RAB43: variants seen among roughly 807,000 people sequenced by gnomAD.
RAB43 encodes the protein ras-related protein Rab-43.
RAB43 carries 6 observed loss-of-function variants against 18.8 expected under a neutral mutation model. That is an observed-to-expected ratio of 0.32 (90% CI 0.17 to 0.63). The LOEUF (loss-of-function observed/expected upper bound fraction) is 0.63, where lower values mean the gene tolerates loss of function less well. Among genes scored for constraint, RAB43 ranks in the 30% least tolerant of loss-of-function variants. The pLI, the probability that RAB43 is intolerant of heterozygous loss-of-function variation, is 0.79. For synonymous variants in RAB43, 103 were observed against 124.1 expected (o/e 0.83, Z 1.13); for missense variants, 195 against 289.1 (o/e 0.67, Z 2.36).
chr3:129,118,687 G>A (rs1406885979), intron 1 of RAB43, among the ~76,000 whole-genome samples: 2 of 152,180 alleles, frequency 1.3e-5, no homozygotes, highest in East Asian at 3.8e-4. Context: ...CCCTGAGAAG[G>A]TTTATTTTAT....
chr3:129,092,572 G>A (rs1239853475), intron 2 of RAB43: 2 of 690,998 alleles, frequency 2.9e-6, no homozygotes, highest in Non-Finnish European at 5.3e-6. Context: ...ATCAGCCTGG[G>A]CAACATAGCA....
intron 1 of RAB43, among the ~76,000 whole-genome samples, chr3:129,099,654 G>A (rs1399822985): frequency 6.6e-6 from 1 of 152,206 alleles, no homozygotes; most frequent in African/African-American, 2.4e-5. Context: ...CCAAAGTGCT[G>A]GGATTACAGG....
chr3:129,103,300 C>T (rs1403122792), intron 1 of RAB43, among the ~76,000 whole-genome samples: 3 of 152,238 alleles, frequency 2.0e-5, no homozygotes, highest in Non-Finnish European at 2.9e-5. Context: ...TCTACACAAA[C>T]GGCCTCAGGC....
In RAB43 at chr3:129,107,103, TGTCAGGC is replaced by T. The variant is rs1934834385; in HGVS notation, c.205-11941_205-11935del. Among the ~76,000 whole-genome samples the T allele has an allele frequency of 1.3e-5, 2 of 152,218 alleles. No individual in the cohort carries two copies. The highest frequency in any genetic ancestry group is 2.9e-5 in the Non-Finnish European group (2 of 68,036). Reference sequence around the variant, plus strand: ...GCACTGTCTGTCAGTGCTCCCTGTGTGTCAGGCCACTTCATCCCGTGACAACCCTAGA... The same window carrying T: ...GCACTGTCTGTCAGTGCTCCCTGTGTCACTTCATCCCGTGACAACCCTAGA... On this transcript the variant is annotated intron_variant, in intron 1 of 2. Transcript: ENST00000315150. This position sits in a 1 kb window ranked among gnomAD's most constrained non-coding sequence, Gnocchi z 4.2.
chr3:129,102,583 T>G (rs943518723), intron 1 of RAB43, among the ~76,000 whole-genome samples: 1 of 126,584 alleles, frequency 7.9e-6, no homozygotes, highest in Admixed American at 1.0e-4. Context: ...TGAGCCGAGA[T>G]AGTGCCACTG....
intron 1 of RAB43, among the ~76,000 whole-genome samples, chr3:129,111,258 T>C (rs1452746045): frequency 6.6e-6 from 1 of 152,122 alleles, no homozygotes; most frequent in African/African-American, 2.4e-5. Flanking sequence ...CTCATGCCTG[T>C]AATCCCAACA....
rs1440490861 is a variant in RAB43, at chr3:129,091,053, G to GC, written c.*42dup. 1.2e-6 allele frequency: 2 copies of GC among 1,603,602 alleles called. No individual in the cohort carries two copies. Among genetic ancestry groups the GC allele is most frequent in the African/African-American group, 2.7e-5 (2 of 74,638 alleles). On this transcript the variant is annotated 3_prime_UTR_variant, in exon 3 of 3. Coordinates refer to ENST00000315150, the MANE Select transcript of RAB43 (RefSeq NM_198490.3). ...GGCTGGGCTTGGCAGGCTGGGGAGA[G>GC]CAAGGAGGTGGGGAACCCCCAGTCT...
chr3:129,093,011 G>C (rs1213988041), intron 2 of RAB43, among the ~76,000 whole-genome samples: 1 of 151,218 alleles, frequency 6.6e-6, no homozygotes, highest in African/African-American at 2.4e-5. Context: ...TTTTTTGGAA[G>C]ACAGAGTCTT....
chr3:129,121,377 A>G lies in RAB43; in HGVS notation c.113T>C (p.Phe38Ser). ...GCGCTCCGAGAAGGCGCCGGTCTTG[A>G]AGCGCTGCACCACGCACGTCTTGCC... ...SVGKTCVVQRFKTGAFSERQG... is the reference protein window; with the variant it reads ...SVGKTCVVQRSKTGAFSERQG... The change falls in exon 1 of 3, where the codon TTC (phenylalanine) becomes TCC (serine). Residue 38 changes from phenylalanine (F) to serine (S), a missense_variant. Physicochemically the swap from Phe to Ser is radical, Grantham distance 155 (BLOSUM62 -2). Coordinates refer to ENST00000315150, the MANE Select transcript of RAB43 (RefSeq NM_198490.3). The G allele has an allele frequency of 6.2e-7, 1 of 1,612,218 alleles. No individual in the cohort carries two copies. Among genetic ancestry groups the G allele is most frequent in the Non-Finnish European group, 8.5e-7 (1 of 1,179,244 alleles).
At chr3:129,098,128 G>A (rs1170424971) in intron 1 of RAB43, among the ~76,000 whole-genome samples, 1 of 152,158 alleles carries the variant, frequency 6.6e-6, no homozygotes, top group African/African-American at 2.4e-5. Flanking sequence ...GGAGTGCTAG[G>A]GGATGCTGAA....
At chr3:129,106,739 G>A (rs916944250) in intron 1 of RAB43, among the ~76,000 whole-genome samples, 3 of 152,114 alleles carry the variant, frequency 2.0e-5, no homozygotes, top group African/African-American at 7.2e-5. Context: ...GGGGAGTAGA[G>A]GACCAGGACA....
rs375475283 is a variant in RAB43 at position 129,120,080 on chromosome 3, G to A, written c.204+1206C>T. Among the ~76,000 whole-genome samples the A allele has an allele frequency of 1.4e-4, 22 of 152,180 alleles. No homozygotes were observed. In the South Asian group the frequency reaches 4.6e-3, roughly 32 times the overall value. ...GACCAAAACACAGACCCCAGAAGAC[G>A]ATTAAAATATAATAATAATAAAACC... On this transcript the variant is annotated intron_variant, in intron 1 of 2. Coordinates refer to ENST00000315150, the MANE Select transcript of RAB43 (RefSeq NM_198490.3).
At chr3:129,102,676 A>G (rs1333290262) in intron 1 of RAB43, among the ~76,000 whole-genome samples, 8 of 148,298 alleles carry the variant, frequency 5.4e-5, no homozygotes, top group Admixed American at 6.8e-5. Flanking sequence ...CAGTCTTGTC[A>G]TGGGATCACA....
In RAB43 at chr3:129,120,666, T is replaced by A. The variant is rs1008197485; in HGVS notation, c.204+620A>T. On this transcript the variant is annotated intron_variant, in intron 1 of 2. Transcript: ENST00000315150. ...CGGTATCTGTGAAGTTTTCAGTTTC[T>A]ATCAAACTCCAGCTGGGGGAGGGAA... Among the ~76,000 whole-genome samples the A allele has an allele frequency of 8.5e-5, 13 of 152,352 alleles. No individual in the cohort carries two copies. In the South Asian group the frequency reaches 2.7e-3, roughly 32 times the overall value.
chr3:129,096,544 A>G (rs1172010570), intron 1 of RAB43, among the ~76,000 whole-genome samples: 5 of 152,236 alleles, frequency 3.3e-5, no homozygotes, highest in Admixed American at 2.6e-4. Flanking sequence ...CATAACACGA[A>G]AGACACCGGC....
intron 1 of RAB43, among the ~76,000 whole-genome samples, chr3:129,120,832 C>G (rs1370467610): frequency 6.6e-6 from 1 of 152,156 alleles, no homozygotes; most frequent in Non-Finnish European, 1.5e-5. Context: ...CGCTCCTAGT[C>G]CTGGGGTGGG....
chr3:129,103,016 C>T (rs1008578180), intron 1 of RAB43, among the ~76,000 whole-genome samples: 36 of 152,300 alleles, frequency 2.4e-4, no homozygotes, highest in Non-Finnish European at 4.0e-4. Context: ...CTGGGGGTCC[C>T]GGCCATCTCA....
intron 1 of RAB43, among the ~76,000 whole-genome samples, chr3:129,101,036 C>T (rs1331833338): frequency 6.6e-6 from 1 of 152,198 alleles, no homozygotes; most frequent in Admixed American, 6.5e-5. Context: ...GAACTTCTGA[C>T]CTCAGGTGAT....
chr3:129,093,477 G>C (rs1180072442), intron 2 of RAB43, among the ~76,000 whole-genome samples: 2 of 152,166 alleles, frequency 1.3e-5, no homozygotes, highest in African/African-American at 2.4e-5. Context: ...AGGTGTGGTG[G>C]TGCGTGCCTG....
Sources: allele counts gnomAD v4.1 joint callset (sites outside exome capture counted in the v4.1 genomes callset), GRCh38; gene constraint gnomAD v4.1.1; non-coding constraint Gnocchi (gnomAD v3.1); transcripts MANE v1.5; gene names NCBI Gene and HGNC (gene_info 2026-07-23, HGNC 2026-07-21).